The following SEM1 variants were observed in gnomAD, a reference collection of about 807,000 sequenced individuals.
SEM1 encodes SEM1 26S proteasome subunit.
SEM1 carries 3 observed loss-of-function variants against 12.7 expected under a neutral mutation model. The ratio of observed to expected loss-of-function variants is 0.24; its 90% CI spans 0.11 to 0.61. The LOEUF (loss-of-function observed/expected upper bound fraction) is 0.61, where lower values mean the gene tolerates loss of function less well. SEM1 is among the 20% of genes least tolerant of loss of function. The pLI is 0.88. For synonymous variants in SEM1, 30 were observed against 27.8 expected, an observed-to-expected ratio of 1.08 and a Z score of -0.25; for missense variants, 59 against 81.3, an observed-to-expected ratio of 0.73 and a Z score of 1.06.
chr7:96,665,702 A>C (rs150050110), intron 2 of SEM1, among the ~76,000 whole-genome samples: 223 of 152,340 alleles, frequency 1.5e-3, no homozygotes, highest in African/African-American at 5.2e-3. Flanking sequence ...AGGGAACTTT[A>C]AACAAATACT....
intron 1 of SEM1, among the ~76,000 whole-genome samples, chr7:96,494,692 A>G (rs1361534755): frequency 6.6e-6 from 1 of 152,102 alleles, no homozygotes; most frequent in Non-Finnish European, 1.5e-5. Context: ...GAGAGCTACA[A>G]AAACTCAGAG....
At chr7:96,625,522 A>C (rs1392528432) in intron 2 of SEM1, among the ~76,000 whole-genome samples, 1 of 152,216 alleles carries the variant, frequency 6.6e-6, no homozygotes, top group East Asian at 1.9e-4. Flanking sequence ...TAGTGTTGTC[A>C]CTGCTCCCCA....
At chr7:96,651,540 G>T (rs1808987052) in intron 2 of SEM1, among the ~76,000 whole-genome samples, 1 of 152,206 alleles carries the variant, frequency 6.6e-6, no homozygotes, top group East Asian at 1.9e-4. Context: ...CAACCCACAG[G>T]GCTGATAAAG....
Position 96,627,553 on chromosome 7 carries a change from A to T in SEM1, c.171-4910T>A, listed in dbSNP as rs188713101. 1.4e-3 allele frequency among the ~76,000 whole-genome samples: 209 copies of T among 152,160 alleles called. 1 individual carries two copies. The highest frequency in any genetic ancestry group is 1.1e-3 in the Non-Finnish European group (74 of 67,950). On this transcript the variant is annotated intron_variant, in intron 2 of 2. Transcript: ENST00000417009. The stretch of plus-strand genomic sequence containing the variant: ...CTGGTCATTCAGGAGCATGTTGTTT[A>T]GTTTCCACGTACTCGTATGGTTTCC...
At chr7:96,698,858 T>C (rs902637193) in intron 1 of SEM1, among the ~76,000 whole-genome samples, 2 of 152,224 alleles carry the variant, frequency 1.3e-5, no homozygotes, top group African/African-American at 4.8e-5. Context: ...TCCACAATGG[T>C]TGAACTAATT....
chr7:96,660,410 T>G (rs991214530), intron 2 of SEM1, among the ~76,000 whole-genome samples: 2 of 152,112 alleles, frequency 1.3e-5, no homozygotes, highest in African/African-American at 4.8e-5. Context: ...TTTAAAAAAT[T>G]AGTACAAATA....
chr7:96,627,405 C>T (rs1241202008), intron 2 of SEM1, among the ~76,000 whole-genome samples: 3 of 151,908 alleles, frequency 2.0e-5, no homozygotes, highest in African/African-American at 7.2e-5. Flanking sequence ...GCACGTATAG[C>T]TGTAATCTTC....
rs575628571 is a variant in SEM1 at position 96,651,124 on chromosome 7, T to A, written c.171-28481A>T. On this transcript the variant is annotated intron_variant, in intron 2 of 2. Transcript: ENST00000417009. ...TGGCAAGTCAAGGATTGGTTCTTAT[T>A]AGTATTGCCATAAATTCCCTAAACT... Among the ~76,000 whole-genome samples, 33 of 152,332 alleles carry A rather than the reference T, an allele frequency of 2.2e-4. No individual in the cohort carries two copies. The South Asian group carries it at 6.0e-3, about 28-fold the overall frequency.
intron 1 of SEM1, chr7:96,696,387 C>T (rs539606583): frequency 2.6e-5 from 4 of 152,024 alleles, no homozygotes; most frequent in African/African-American, 7.2e-5. Context: ...TAAACAAAGA[C>T]GAAAGAGCTG....
At chr7:96,507,292 G>T (rs532076267) in intron 2 of SEM1, among the ~76,000 whole-genome samples, 3 of 152,122 alleles carry the variant, frequency 2.0e-5, no homozygotes, top group Admixed American at 6.6e-5. Context: ...GAGTTTTGCG[G>T]CAGTATTCAG....
chr7:96,680,480 G>A (rs1584857993), intron 2 of SEM1, among the ~76,000 whole-genome samples: 1 of 151,980 alleles, frequency 6.6e-6, no homozygotes, highest in Non-Finnish European at 1.5e-5. Context: ...GGGGTGTGCC[G>A]GCCCAGGCAA....
rs34050482 is a variant in SEM1 at position 96,541,944 on chromosome 7, C to CTTT, written c.171-35249_171-35247dup. Reference sequence around the variant, plus strand: ...TATTCTGTTTCATTGGCCTATGTGTCTTTTTTTTTTTTTTTTTTTTTCCAA... The same window carrying CTTT: ...TATTCTGTTTCATTGGCCTATGTGTCTTTTTTTTTTTTTTTTTTTTTTTTCCAA... On this transcript the variant is annotated intron_variant and NMD_transcript_variant, in intron 2 of 3. Coordinates refer to the SEM1 transcript ENST00000466986. Among the ~76,000 whole-genome samples the CTTT allele has an allele frequency of 7.8e-4, 72 of 92,406 alleles. 1 individual carries two copies. The highest frequency in any genetic ancestry group is 1.4e-3 in the African/African-American group (34 of 24,450). 60.6% of individuals were successfully genotyped at this position (92,406 alleles called of 152,430 possible).
Position 96,678,509 on chromosome 7 carries a change from T to C in SEM1, c.171-4650A>G, listed in dbSNP as rs558057896. 4.1e-4 allele frequency among the ~76,000 whole-genome samples: 63 copies of C among 152,282 alleles called. 2 individuals carry two copies. In the South Asian group the frequency reaches 0.012, roughly 29 times the overall value. The stretch of plus-strand genomic sequence containing the variant: ...GTAATGTAGAACATCTAGATCACTG[T>C]TATCAAACTTTAAAAGAAAGGCAGC... On this transcript the variant is annotated intron_variant, in intron 2 of 2. Transcript: ENST00000413065.
chr7:96,549,453 C>T (rs988739594), intron 2 of SEM1, among the ~76,000 whole-genome samples: 2 of 152,192 alleles, frequency 1.3e-5, no homozygotes, highest in Non-Finnish European at 2.9e-5. Flanking sequence ...AGGCAGATCT[C>T]TTATGTTCAT....
At chr7:96,599,307 G>A (rs1166241368) in intron 2 of SEM1, among the ~76,000 whole-genome samples, 2 of 151,942 alleles carry the variant, frequency 1.3e-5, no homozygotes, top group Non-Finnish European at 2.9e-5. Flanking sequence ...GCCTTTTCTT[G>A]CAGAAACTGA....
At chr7:96,558,994 G>T (rs1303115944) in intron 2 of SEM1, among the ~76,000 whole-genome samples, 2 of 152,100 alleles carry the variant, frequency 1.3e-5, no homozygotes, top group South Asian at 2.1e-4. Flanking sequence ...TTATTAAGAG[G>T]ATTAAATGAG....
intron 2 of SEM1, among the ~76,000 whole-genome samples, chr7:96,588,489 T>C (rs1383268176): frequency 9.7e-6 from 1 of 103,170 alleles, no homozygotes; most frequent in African/African-American, 2.7e-5. Flanking sequence ...ATAGGTATAT[T>C]ATTTGATAAT....
At chr7:96,534,356 T>G (rs1467780186) in intron 2 of SEM1, among the ~76,000 whole-genome samples, 1 of 152,066 alleles carries the variant, frequency 6.6e-6, no homozygotes, top group Non-Finnish European at 1.5e-5. Flanking sequence ...GTAATGAATG[T>G]GATCTGTTGA....
chr7:96,561,035 G>T (rs1349258098), intron 2 of SEM1, among the ~76,000 whole-genome samples: 1 of 152,044 alleles, frequency 6.6e-6, no homozygotes, highest in African/African-American at 2.4e-5. Flanking sequence ...TTCTACCTCA[G>T]TCTCCCCAGT....
Sources: allele counts gnomAD v4.1 joint callset (sites outside exome capture counted in the v4.1 genomes callset), GRCh38; gene constraint gnomAD v4.1.1; transcripts MANE v1.5; gene names NCBI Gene and HGNC (gene_info 2026-07-23, HGNC 2026-07-21).